Variants in EPG5 observed in about 807,000 individuals in gnomAD.
The protein encoded by EPG5 is ectopic P granules protein 5 homolog.
In EPG5, 159 loss-of-function variants were observed where a neutral mutation model predicts 302.7. That is an observed-to-expected ratio of 0.53 (90% CI 0.46 to 0.60). EPG5 has a LOEUF of 0.60. Among genes scored for constraint, EPG5 ranks in the 20% least tolerant of loss-of-function variants. EPG5 has a pLI of 0.00. For missense variants in EPG5, 2,896 were observed against 3,092.4 expected (o/e 0.94, Z 1.51); for synonymous variants, 1,158 against 1,136.8 (o/e 1.02, Z -0.37).
intron 4 of EPG5, among the ~76,000 whole-genome samples, chr18:45,950,463 C>T (rs889260106): frequency 3.9e-5 from 6 of 152,156 alleles, no homozygotes; most frequent in African/African-American, 1.4e-4. Flanking sequence ...TTGCTTCTTC[C>T]TCATTCTCTC....
the EPG5 span, among the ~76,000 whole-genome samples, chr18:45,810,925 C>T: frequency 3.5e-4 from 54 of 152,152 alleles, no homozygotes; most frequent in African/African-American, 1.3e-3. Flanking sequence ...ACATAATCAT[C>T]TCAATAGATG....
chr18:45,817,149 T>C, the EPG5 span, among the ~76,000 whole-genome samples: 1 of 152,146 alleles, frequency 6.6e-6, no homozygotes, highest in Admixed American at 6.5e-5. Flanking sequence ...GATAAAAGGC[T>C]ACAAATAGGA....
At chr18:45,831,477 A>G in the EPG5 span, among the ~76,000 whole-genome samples, 1 of 152,322 alleles carries the variant, frequency 6.6e-6, no homozygotes, top group Non-Finnish European at 1.5e-5. Flanking sequence ...AATTGTGCAT[A>G]AATTAAAAAA....
At chr18:45,838,771 C>T in the EPG5 span, 1 of 1,574,360 alleles carries the variant, frequency 6.4e-7, no homozygotes, top group Non-Finnish European at 8.6e-7. Flanking sequence ...TCACGCCTTC[C>T]GCGCGCTCTG....
rs2048848233 is a variant in EPG5 at position 45,870,567 on chromosome 18, T to A, written c.6225A>T (p.Lys2075Asn). 1.9e-6 allele frequency: 3 copies of A among 1,612,066 alleles called. No individual in the cohort carries two copies. ...PDQMLMEAFF[K>N]VERGSPKSCF... ...GCGATGCCGGGAATGAAGGGCTTACTTTGAAGAAGGCCTCCATGAGCATCT... is the reference window on the plus strand; with the variant it reads ...GCGATGCCGGGAATGAAGGGCTTACATTGAAGAAGGCCTCCATGAGCATCT... Residue 2075 changes from lysine (K) to asparagine (N), a missense_variant and splice_region_variant, in exon 36 of 44, where the codon AAA becomes AAT. By Grantham distance (94) the Lys-to-Asn change is moderately conservative. Transcript: ENST00000282041.
chr18:45,842,078 T>C, the EPG5 span: 1 of 1,610,702 alleles, frequency 6.2e-7, no homozygotes. Flanking sequence ...CCTGTTTGGA[T>C]GATCATTCAA....
At chr18:45,837,669 C>T in the EPG5 span, 1 of 1,493,450 alleles carries the variant, frequency 6.7e-7, no homozygotes, top group Admixed American at 2.2e-5. Context: ...TATGCGGGCC[C>T]GCAGGTGTTC....
the EPG5 span, among the ~76,000 whole-genome samples, chr18:45,819,227 T>C: frequency 1.3e-5 from 2 of 152,244 alleles, no homozygotes; most frequent in South Asian, 4.1e-4. Context: ...TCATCTGGAA[T>C]ATGGATTAAG....
chr18:45,933,216 A>C (rs993684383), intron 11 of EPG5, among the ~76,000 whole-genome samples: 3 of 152,224 alleles, frequency 2.0e-5, no homozygotes, highest in Non-Finnish European at 2.9e-5. Flanking sequence ...GTCTAATAGA[A>C]GCACTGCCCC....
chr18:45,835,656 T>C, the EPG5 span, among the ~76,000 whole-genome samples: 1 of 152,236 alleles, frequency 6.6e-6, no homozygotes, highest in African/African-American at 2.4e-5. Flanking sequence ...GTCCAATTGT[T>C]TGTGGCACCA....
Position 45,917,723 on chromosome 18 carries a change from C to T in EPG5, c.3195G>A (p.Leu1065=), listed in dbSNP as rs1243922277. The T allele has an allele frequency of 6.2e-7, 1 of 1,614,124 alleles. No individual in the cohort carries two copies. Among genetic ancestry groups the T allele is most frequent in the African/African-American group, 1.3e-5 (1 of 75,044 alleles). Residue 1065 remains leucine, a synonymous_variant, in exon 17 of 44, where the codon CTG becomes CTA. Transcript: ENST00000282041. ...RTVVHVLDKI[L]PLFYPCQYYL... Reference sequence around the variant, plus strand: ...AATACTGGCAAGGGTAAAATAAAGGCAGAATCTTATCCAGGACATGAACCA... The same window carrying T: ...AATACTGGCAAGGGTAAAATAAAGGTAGAATCTTATCCAGGACATGAACCA...
the EPG5 span, among the ~76,000 whole-genome samples, chr18:45,821,761 C>T: frequency 6.6e-6 from 1 of 152,074 alleles, no homozygotes; most frequent in African/African-American, 2.4e-5. Context: ...ATCTCAACAG[C>T]AACAAAACAA....
chr18:45,902,647 CAAATT>C (rs1297750670), intron 25 of EPG5, among the ~76,000 whole-genome samples: 2 of 152,220 alleles, frequency 1.3e-5, no homozygotes, highest in Non-Finnish European at 2.9e-5. Context: ...ATCATAACCA[CAAATT>C]AAATCATTTG....
chr18:45,817,207 C>T, the EPG5 span, among the ~76,000 whole-genome samples: 1 of 152,140 alleles, frequency 6.6e-6, no homozygotes, highest in African/African-American at 2.4e-5. Context: ...TCTCACAAAT[C>T]ACCACTAAAG....
At chr18:45,945,328 G>A (rs2050762932) in intron 7 of EPG5, among the ~76,000 whole-genome samples, 1 of 152,136 alleles carries the variant, frequency 6.6e-6, no homozygotes, top group Non-Finnish European at 1.5e-5. Context: ...GCCTGGGCAA[G>A]GTTTGCAAGT....
Position 45,870,804 on chromosome 18 carries a change from A to G in EPG5, c.6050-62T>C, listed in dbSNP as rs2048856897. On this transcript the variant is annotated intron_variant, in intron 35 of 43. Transcript: ENST00000282041. ...GGTTTACCTTAAAAAAAAAAAAAAA[A>G]AGCAAATTTGAACTAAAAGTCTAAA... The G allele has an allele frequency of 4.1e-6, 5 of 1,230,036 alleles. No individual in the cohort carries two copies. The South Asian group carries it at 8.2e-5, about 20-fold the overall frequency. 76.2% of individuals were successfully genotyped at this position (1,230,036 alleles called of 1,614,324 possible). A position where few individuals can be genotyped will look rare whatever the true frequency, so the allele number is the denominator to read the frequency against.
At chr18:45,838,667 G>GGCTAA in the EPG5 span, 1 of 1,490,814 alleles carries the variant, frequency 6.7e-7, no homozygotes, top group South Asian at 1.3e-5. Flanking sequence ...GCGTCCAAAG[G>GGCTAA]GCTAAGGGGA....
At chr18:45,863,616 G>C (rs974393131) in intron 39 of EPG5, among the ~76,000 whole-genome samples, 2 of 152,168 alleles carry the variant, frequency 1.3e-5, no homozygotes, top group African/African-American at 4.8e-5. Flanking sequence ...CTCAATGAAA[G>C]TATGGTTCTT....
chr18:45,863,885 G>A (rs2048686061), intron 39 of EPG5, among the ~76,000 whole-genome samples: 1 of 152,064 alleles, frequency 6.6e-6, no homozygotes, highest in Admixed American at 6.6e-5. Context: ...GTGTATACAG[G>A]TTTGAATTTC....
Sources: allele counts gnomAD v4.1 joint callset (sites outside exome capture counted in the v4.1 genomes callset), GRCh38; gene constraint gnomAD v4.1.1; transcripts MANE v1.5; gene names NCBI Gene and HGNC (gene_info 2026-07-23, HGNC 2026-07-21).